Variants in TBXAS1 observed in about 807,000 individuals in gnomAD.
TBXAS1 encodes thromboxane-A synthase.
In TBXAS1, 48 loss-of-function variants were observed where a neutral mutation model predicts 60.7. The observed-to-expected ratio is 0.79, with a 90% confidence interval of 0.63 to 1.01. The LOEUF is 1.01. Ranked by LOEUF, TBXAS1 falls within the 50% of genes least tolerant of loss-of-function variation. The pLI, the probability that TBXAS1 is intolerant of heterozygous loss-of-function variation, is 0.00. For synonymous variants in TBXAS1, 287 were observed against 269.7 expected (o/e 1.06, Z -0.63); for missense variants, 685 against 686.3 (o/e 1.00, Z 0.02).
At chr7:139,794,433 G>C (rs1014997702) in intron 4 of TBXAS1, among the ~76,000 whole-genome samples, 1 of 151,732 alleles carries the variant, frequency 6.6e-6, no homozygotes, top group African/African-American at 2.4e-5. Flanking sequence ...AAGACATTTT[G>C]TGCTTTATAA....
chr7:139,858,025 C>T lies in TBXAS1; in HGVS notation c.90-14210C>T, dbSNP rs771105781. On this transcript the variant is annotated intron_variant, in intron 1 of 12. Coordinates refer to ENST00000448866, the MANE Select transcript of TBXAS1 (RefSeq NM_001061.7). ...CTGGGATTATGGGTGTGAGCTACCA[C>T]GCCTGGCCTTGGGCTGAATTTTCTT... 1.1e-4 allele frequency among the ~76,000 whole-genome samples: 16 copies of T among 152,270 alleles called. No individual in the cohort carries two copies. In the East Asian group the frequency reaches 1.7e-3, roughly 17 times the overall value.
intron 3 of TBXAS1, among the ~76,000 whole-genome samples, chr7:139,785,218 A>G (rs1266991286): frequency 2.6e-5 from 4 of 152,036 alleles, no homozygotes; most frequent in Non-Finnish European, 4.4e-5. Context: ...CTGTTTCTTG[A>G]TGGACTGGAC....
Position 139,975,334 on chromosome 7 carries a change from A to G in TBXAS1, c.1134+13101A>G, listed in dbSNP as rs2117469455. ...AAATAACTTGAGAACATAAGATAAT[A>G]CCCTAGGACAGGGCCTAGGTCGGAT... On this transcript the variant is annotated intron_variant, in intron 9 of 12. Coordinates refer to ENST00000448866, the MANE Select transcript of TBXAS1 (RefSeq NM_001061.7). The surrounding 1 kb of genome is among the most constrained non-coding windows in gnomAD (Gnocchi z 4.4). 6.6e-6 allele frequency among the ~76,000 whole-genome samples: 1 copy of G among 152,212 alleles called. No homozygotes were observed. Among genetic ancestry groups the G allele is most frequent in the East Asian group, 1.9e-4 (1 of 5,174 alleles).
At chr7:140,006,992 G>C in intron 9 of TBXAS1, 99 bp from the exon 10 acceptor site, 1 of 1,192,606 alleles carries the variant, frequency 8.4e-7, no homozygotes, top group Non-Finnish European at 1.3e-6. Context: ...TTAAATGTTT[G>C]CCAAAGTTGG....
chr7:139,846,156 T>C (rs762878495), intron 1 of TBXAS1, among the ~76,000 whole-genome samples: 6 of 152,334 alleles, frequency 3.9e-5, no homozygotes, highest in Middle Eastern at 3.4e-3. Context: ...ACCAAAATCA[T>C]TGTGCAAAGG....
chr7:139,968,891 C>T (rs1187813917), intron 9 of TBXAS1, among the ~76,000 whole-genome samples: 1 of 152,184 alleles, frequency 6.6e-6, no homozygotes, highest in Non-Finnish European at 1.5e-5. Flanking sequence ...ACCACACCAT[C>T]TATTTAATGA....
At chr7:139,822,773 C>G (rs139033292) in intron 4 of TBXAS1, among the ~76,000 whole-genome samples, 1 of 152,184 alleles carries the variant, frequency 6.6e-6, no homozygotes, top group African/African-American at 2.4e-5. Context: ...AAAAACCAGC[C>G]CTCTCTTGCT....
chr7:139,870,018 C>T (rs748399638), intron 1 of TBXAS1, among the ~76,000 whole-genome samples: 38 of 152,206 alleles, frequency 2.5e-4, no homozygotes, highest in Non-Finnish European at 4.0e-4. Context: ...ACTTGAGTTA[C>T]TGATGGCAAT....
At chr7:139,815,142 T>A (rs1459060660) in intron 4 of TBXAS1, among the ~76,000 whole-genome samples, 2 of 152,232 alleles carry the variant, frequency 1.3e-5, no homozygotes, top group African/African-American at 4.8e-5. Context: ...AATGTAAATT[T>A]AAAACCAACA....
At chr7:139,879,832 TTGTGTGTGTGTGTGTGTG>T (rs57176056) in intron 3 of TBXAS1, among the ~76,000 whole-genome samples, 4,807 of 140,504 alleles carry the variant, frequency 0.034, 249 homozygotes, top group African/African-American at 0.12. Context: ...TTATCTCATT[TTGTGTGTGTGTGTGTGTG>T]TGTGTGTGTG....
intron 1 of TBXAS1, among the ~76,000 whole-genome samples, chr7:139,856,071 T>A (rs77273326): frequency 0.045 from 6,830 of 152,292 alleles, 374 homozygotes; most frequent in African/African-American, 0.14. Flanking sequence ...CTTTCTCAAC[T>A]TCTTTTGATG....
At position 139,786,051 on chromosome 7, in the gene TBXAS1, GT is replaced by G. The variant is rs539047086; in HGVS notation, c.-168-1277del. 3.1e-3 allele frequency among the ~76,000 whole-genome samples: 439 copies of G among 139,664 alleles called. 2 individuals carry two copies. The highest frequency in any genetic ancestry group is 4.7e-3 in the Non-Finnish European group (298 of 63,976). The allele number at this position is 139,664 out of a possible 152,430, so 91.6% of individuals were successfully genotyped here. On this transcript the variant is annotated intron_variant, in intron 3 of 16. Coordinates refer to the TBXAS1 transcript ENST00000336425. ...ATTTTTTCCTATCTAGTATTAGAGG[GT>G]TTTTTTTTTGTTTGTTTGTTTTTTG...
intron 4 of TBXAS1, among the ~76,000 whole-genome samples, chr7:139,931,207 C>T (rs372039336): frequency 6.6e-6 from 1 of 152,132 alleles, no homozygotes. Context: ...TCTCTTGTCT[C>T]TTTCTCTCCT....
At chr7:139,979,209 G>A (rs770110697) in intron 9 of TBXAS1, among the ~76,000 whole-genome samples, 2 of 152,100 alleles carry the variant, frequency 1.3e-5, no homozygotes, top group Admixed American at 6.6e-5. Flanking sequence ...TCTCTGTCAC[G>A]GTGATGAGAA....
At chr7:139,887,070 C>A (rs1381679747) in intron 3 of TBXAS1, among the ~76,000 whole-genome samples, 6 of 152,112 alleles carry the variant, frequency 3.9e-5, no homozygotes, top group African/African-American at 1.4e-4. Context: ...GGCCCGAGAA[C>A]CCACAGCTAA....
upstream of TBXAS1, among the ~76,000 whole-genome samples, chr7:139,825,417 G>A (rs1798412194): frequency 6.6e-6 from 1 of 152,132 alleles, no homozygotes; most frequent in Non-Finnish European, 1.5e-5. Context: ...GAATGGGTGT[G>A]GTAACGTCTC....
intron 3 of TBXAS1, among the ~76,000 whole-genome samples, chr7:139,785,309 C>G (rs1309250801): frequency 6.6e-6 from 1 of 152,042 alleles, no homozygotes; most frequent in Non-Finnish European, 1.5e-5. Context: ...TTTGAATTGA[C>G]ATAGTCTCAT....
chr7:139,924,596 G>C (rs1806742221), intron 4 of TBXAS1, among the ~76,000 whole-genome samples: 1 of 152,030 alleles, frequency 6.6e-6, no homozygotes, highest in Non-Finnish European at 1.5e-5. Flanking sequence ...CTTCCTCCCA[G>C]TCTGTGGCTT....
At chr7:139,889,109 G>A (rs1293452366) in intron 3 of TBXAS1, among the ~76,000 whole-genome samples, 1 of 152,042 alleles carries the variant, frequency 6.6e-6, no homozygotes, top group African/African-American at 2.4e-5. Flanking sequence ...GAGGTGGGGA[G>A]ATTGCTTGAG....
Sources: gnomAD v4.1 joint callset for allele counts (sites outside exome capture counted in the v4.1 genomes callset) on GRCh38, gnomAD v4.1.1 for gene constraint, Gnocchi (gnomAD v3.1) non-coding constraint, MANE v1.5 for transcripts, NCBI Gene and HGNC (gene_info 2026-07-23, HGNC 2026-07-21) for gene names.